Variants in HERC2 observed in about 807,000 individuals in gnomAD.
The protein encoded by HERC2 is E3 ubiquitin-protein ligase HERC2.
HERC2 carries 102 observed loss-of-function variants against 537.7 expected under a neutral mutation model. The observed-to-expected ratio is 0.19, with a 90% confidence interval of 0.16 to 0.22. HERC2 has a LOEUF of 0.22. Among genes scored for constraint, HERC2 ranks in the 10% least tolerant of loss-of-function variants. HERC2 has a pLI of 1.00. For synonymous variants in HERC2, 2,224 were observed against 2,466.2 expected (o/e 0.90, Z 2.91); for missense variants, 4,236 against 6,198.2 (o/e 0.68, Z 10.63).
At chr15:28,117,267 TC>T (rs1386102048) in intron 86 of HERC2, 113 bp from the exon 87 acceptor site, 1 of 1,070,774 alleles carries the variant, frequency 9.3e-7, no homozygotes, top group Non-Finnish European at 1.4e-6. Flanking sequence ...CATGGGCCCC[TC>T]CCTGGTCACA....
rs2075186381 is a variant in HERC2, at chr15:28,254,389, A to G, written c.3001T>C (p.Ser1001Pro). The G allele has an allele frequency of 1.2e-6, 2 of 1,608,082 alleles. No individual in the cohort carries two copies. The highest frequency in any genetic ancestry group is 1.7e-5 in the Admixed American group (1 of 58,730). Reference sequence around the variant, plus strand: ...ACCAGAGGCAAACACTGTTTGCCAGAAGACTCACAGATCCCCGTATTAATA... The same window carrying G: ...ACCAGAGGCAAACACTGTTTGCCAGGAGACTCACAGATCCCCGTATTAATA... Reference protein sequence around the residue: ...DLINTGICESSGKQCLPLVQL... With the variant: ...DLINTGICESPGKQCLPLVQL... The change falls in exon 20 of 93, where the codon TCT (serine) becomes CCT (proline). Residue 1001 changes from serine to proline, a missense_variant. Ser to Pro is a moderately conservative substitution (Grantham distance 74). This residue lies in a region of HERC2 where 754 missense variants were observed against 1,085.0 expected (regional missense o/e 0.69). Coordinates refer to ENST00000261609, the MANE Select transcript of HERC2 (RefSeq NM_004667.6).
intron 87 of HERC2, 60 bp from the exon 88 acceptor site, chr15:28,116,919 C>A: frequency 6.2e-7 from 1 of 1,608,396 alleles, no homozygotes; most frequent in Non-Finnish European, 8.5e-7. Flanking sequence ...AAGAGAGCCC[C>A]AACGCTCCCA....
intron 2 of HERC2, among the ~76,000 whole-genome samples, chr15:28,303,157 A>C (rs1361746451): frequency 6.6e-6 from 1 of 151,970 alleles, no homozygotes; most frequent in East Asian, 1.9e-4. Flanking sequence ...TTAAGTCTTT[A>C]CTCCATTTTG....
chr15:28,169,335 C>A, intron 66 of HERC2, 149 bp downstream of exon 66: 1 of 554,246 alleles, frequency 1.8e-6, no homozygotes, highest in South Asian at 3.0e-5. Context: ...CACCAATCAC[C>A]ATCAAAGAAC....
rs1412147481 is a variant in HERC2, at chr15:28,272,412, A to G, written c.912-26T>C. The G allele has an allele frequency of 3.2e-6, 5 of 1,585,710 alleles. No individual in the cohort carries two copies. The African/African-American group carries it at 6.7e-5, about 21-fold the overall frequency. On this transcript the variant is annotated intron_variant, in intron 8 of 92. Coordinates refer to ENST00000261609, the MANE Select transcript of HERC2 (RefSeq NM_004667.6). ...CTAAAGGAGAAAAGATATTTATTCT[A>G]GTAAAAACAGATTAACTTCTTTTCT...
chr15:28,149,924 C>T lies in HERC2; in HGVS notation c.10900+2753G>A, dbSNP rs1171413125. Among the ~76,000 whole-genome samples the T allele has an allele frequency of 2.0e-5, 3 of 150,742 alleles. No individual in the cohort carries two copies. The South Asian group carries it at 6.3e-4, about 32-fold the overall frequency. On this transcript the variant is annotated intron_variant, in intron 70 of 92. Coordinates refer to ENST00000261609, the MANE Select transcript of HERC2 (RefSeq NM_004667.6). The stretch of plus-strand genomic sequence containing the variant: ...AAGAGCATCACCAAGAACAGCCACA[C>T]GAACGCACATTCTAGTAAAATTACC...
chr15:28,263,174 A>C lies in HERC2; in HGVS notation c.1871-5T>G, dbSNP rs2075459139. ...CTCCCCAAGACCACACTTGCCCTAAAAAATACAAATGCATTTAAATAACAA... is the reference window on the plus strand; with the variant it reads ...CTCCCCAAGACCACACTTGCCCTAACAAATACAAATGCATTTAAATAACAA... On this transcript the variant is annotated splice_polypyrimidine_tract_variant and splice_region_variant and intron_variant, in intron 14 of 92. Transcript: ENST00000261609. 2.5e-6 allele frequency: 4 copies of C among 1,598,046 alleles called. No individual in the cohort carries two copies. The highest frequency in any genetic ancestry group is 3.4e-6 in the Non-Finnish European group (4 of 1,169,326).
chr15:28,212,590 A>T lies in HERC2; in HGVS notation c.6787-7T>A. 6.2e-7 allele frequency: 1 copy of T among 1,607,236 alleles called. No homozygotes were observed. The highest frequency in any genetic ancestry group is 8.5e-7 in the Non-Finnish European group (1 of 1,176,400). The stretch of plus-strand genomic sequence containing the variant: ...TAAAGGCCACGGCAGGGAGCTGGAG[A>T]GGACACAGAAGCTGTCAGAGTGTGG... On this transcript the variant is annotated splice_polypyrimidine_tract_variant and splice_region_variant and intron_variant, in intron 42 of 92. Transcript: ENST00000261609.
intron 86 of HERC2, 58 bp from the exon 87 acceptor site, chr15:28,117,212 C>A (rs764125894): frequency 9.8e-6 from 15 of 1,537,710 alleles, no homozygotes; most frequent in South Asian, 2.2e-5. Context: ...AGCACACAGT[C>A]GGGGATATGC....
intron 23 of HERC2, among the ~76,000 whole-genome samples, chr15:28,244,692 A>C (rs1473388445): frequency 6.6e-6 from 1 of 152,184 alleles, no homozygotes; most frequent in African/African-American, 2.4e-5. Flanking sequence ...ATAACACAGG[A>C]CTAAGCTCAC....
intron 4 of HERC2, among the ~76,000 whole-genome samples, chr15:28,284,919 GAA>G (rs551327935): frequency 0.057 from 1,849 of 32,344 alleles, 22 homozygotes; most frequent in African/African-American, 0.094. Flanking sequence ...CTCCGTCTCG[GAA>G]AAAAAAAAAA....
intron 15 of HERC2, among the ~76,000 whole-genome samples, chr15:28,261,571 A>C (rs905588584): frequency 6.6e-6 from 1 of 152,240 alleles, no homozygotes; most frequent in African/African-American, 2.4e-5. Flanking sequence ...CCATAAGTTA[A>C]CATCAGCAAC....
At chr15:28,132,878 A>G (rs754860507) in intron 79 of HERC2, 48 bp from the exon 80 acceptor site, 1 of 1,429,596 alleles carries the variant, frequency 7.0e-7, no homozygotes, top group Non-Finnish European at 9.3e-7. Flanking sequence ...TTATTCTTAA[A>G]CATTTTTCAG....
chr15:28,164,025 G>C (rs545884683), intron 68 of HERC2, among the ~76,000 whole-genome samples: 1 of 152,144 alleles, frequency 6.6e-6, no homozygotes, highest in African/African-American at 2.4e-5. Context: ...GCAGCACTGG[G>C]GCTGAGCTTG....
chr15:28,265,568 G>T lies in HERC2; in HGVS notation c.1870+50C>A. The T allele has an allele frequency of 6.8e-7, 1 of 1,471,604 alleles. No individual in the cohort carries two copies. Among genetic ancestry groups the T allele is most frequent in the Non-Finnish European group, 9.5e-7 (1 of 1,052,974 alleles). 91.2% of individuals were successfully genotyped at this position (1,471,604 alleles called of 1,614,324 possible). On this transcript the variant is annotated intron_variant, in intron 14 of 92. Transcript: ENST00000261609. The surrounding 1 kb of genome is among the most constrained non-coding windows in gnomAD (Gnocchi z 4.0). ...TCATCTCACTTCCTCCAGGGAAGCTGCCATGCGTGTCCTCGTGGGCCTGTC... is the reference window on the plus strand; with the variant it reads ...TCATCTCACTTCCTCCAGGGAAGCTTCCATGCGTGTCCTCGTGGGCCTGTC...
At position 28,169,618 on chromosome 15, in the gene HERC2, A is replaced by C. The variant is rs185547854; in HGVS notation, c.10095T>G (p.Asn3365Lys). ...PSDADSSAAS[N>K]KISGASNSKP... is the part of the protein sequence containing the mutation. ...TAGAATTACTTGCACCACTTATTTT[A>C]TTACTGGCAGCAGAAGAATCAGCAT... is the stretch of plus-strand genomic sequence containing the variant. Residue 3365 changes from asparagine to lysine, a missense_variant, in exon 66 of 93, where the codon AAT (asparagine) becomes AAG (lysine). Around this residue, in one of 27 missense-constraint regions of HERC2, gnomAD observed 356 missense variants for 450.9 expected, o/e 0.79. Coordinates refer to ENST00000261609, the MANE Select transcript of HERC2 (RefSeq NM_004667.6). 2 of 1,613,642 alleles carry C rather than the reference A, an allele frequency of 1.2e-6. No individual in the cohort carries two copies. Among genetic ancestry groups the C allele is most frequent in the East Asian group, 2.2e-5 (1 of 44,868 alleles).
chr15:28,181,614 T>C (rs1023451610), intron 57 of HERC2, among the ~76,000 whole-genome samples: 1 of 152,172 alleles, frequency 6.6e-6, no homozygotes, highest in Non-Finnish European at 1.5e-5. Context: ...CTCTGGGCAA[T>C]AAAATTTAGA....
chr15:28,144,288 C>T, intron 72 of HERC2, 53 bp from the exon 73 acceptor site: 2 of 1,579,438 alleles, frequency 1.3e-6, no homozygotes, highest in Non-Finnish European at 1.7e-6. Flanking sequence ...GGTACCACCC[C>T]ATAAGAAGCC....
intron 2 of HERC2, among the ~76,000 whole-genome samples, chr15:28,300,823 C>CA (rs57696757): frequency 0.014 from 180 of 13,136 alleles, 8 homozygotes; most frequent in Middle Eastern, 0.083. Flanking sequence ...GACTCCATCT[C>CA]AAAAAAAAAA....
Sources: allele counts gnomAD v4.1 joint callset (sites outside exome capture counted in the v4.1 genomes callset), GRCh38; gene constraint gnomAD v4.1.1; regional missense constraint gnomAD v4.1.1; non-coding constraint Gnocchi (gnomAD v3.1); transcripts MANE v1.5; gene names NCBI Gene and HGNC (gene_info 2026-07-23, HGNC 2026-07-21).